The following SUN2 variants were observed in gnomAD, a reference collection of about 807,000 sequenced individuals.
SUN2 encodes SUN domain-containing protein 2.
Under a neutral mutation model 100.0 loss-of-function variants are expected in SUN2, and 60 were observed. That is an observed-to-expected ratio of 0.60 (90% CI 0.49 to 0.74). The LOEUF (loss-of-function observed/expected upper bound fraction) is 0.74. Among genes scored for constraint, SUN2 ranks in the 30% least tolerant of loss-of-function variants. The pLI is 0.00. For missense variants in SUN2, 834 were observed against 954.6 expected (o/e 0.87, Z 1.66); for synonymous variants, 367 against 403.3 (o/e 0.91, Z 1.08).
At position 38,738,104 on chromosome 22, in the gene SUN2, G is replaced by A; in HGVS notation, c.2040+69C>T. The A allele has an allele frequency of 7.3e-7, 1 of 1,375,892 alleles. No homozygotes were observed. The highest frequency in any genetic ancestry group is 2.3e-5 in the East Asian group (1 of 43,772). The allele number at this position is 1,375,892 out of a possible 1,614,324, so 85.2% of individuals were successfully genotyped here. ...GAACCCCATGCCTGGCAGGGTAAGTGCCCAGGGAGCACCTGCTGCCTGGAT... is the reference window on the plus strand; with the variant it reads ...GAACCCCATGCCTGGCAGGGTAAGTACCCAGGGAGCACCTGCTGCCTGGAT... On this transcript the variant is annotated intron_variant, in intron 17 of 17. Coordinates refer to ENST00000689035, the MANE Select transcript of SUN2 (RefSeq NM_015374.3). The surrounding 1 kb of genome is among the most constrained non-coding windows in gnomAD (Gnocchi z 6.6).
intron 17 of SUN2, 85 bp from the exon 18 acceptor site, chr22:38,736,465 C>A: frequency 2.6e-6 from 3 of 1,158,342 alleles, no homozygotes; most frequent in East Asian, 2.7e-5. Context: ...GACAGCCTCG[C>A]CTAGGGCCAG....
At position 38,740,665 on chromosome 22, in the gene SUN2, T is replaced by A; in HGVS notation, c.1191-233A>T. 1 of 571,856 alleles carries A rather than the reference T, an allele frequency of 1.7e-6. No individual in the cohort carries two copies. The highest frequency in any genetic ancestry group is 2.9e-5 in the East Asian group (1 of 34,852). The allele number at this position is 571,856 out of a possible 1,614,324, so 35.4% of individuals were successfully genotyped here. The stretch of plus-strand genomic sequence containing the variant: ...CCCTTTCTAAGCCCAGAGTCCAGAA[T>A]GTACTCTGCCTCAGCCTCTCACATC... On this transcript the variant is annotated intron_variant, in intron 11 of 17. Transcript: ENST00000689035. This position sits in a 1 kb window ranked among gnomAD's most constrained non-coding sequence, Gnocchi z 4.8.
In SUN2 at chr22:38,740,998, G is replaced by A. The variant is rs778700058; in HGVS notation, c.1190+9C>T. 1.7e-5 allele frequency: 27 copies of A among 1,589,108 alleles called. No individual in the cohort carries two copies. The highest frequency in any genetic ancestry group is 1.3e-4 in the African/African-American group (10 of 74,362). On this transcript the variant is annotated intron_variant, in intron 11 of 17. Coordinates refer to ENST00000689035, the MANE Select transcript of SUN2 (RefSeq NM_015374.3). This position sits in a 1 kb window ranked among gnomAD's most constrained non-coding sequence, Gnocchi z 4.8. ...GAGCAGGCCGAGGCCAGCTGGTGGC[G>A]CCCAGTACCTTTGCCACTCTGACTT...
chr22:38,746,814 G>A (rs1357825492), intron 7 of SUN2, among the ~76,000 whole-genome samples: 2 of 146,692 alleles, frequency 1.4e-5, no homozygotes, highest in South Asian at 2.2e-4. Flanking sequence ...GGTGGATCAC[G>A]AGGTCAGGAG....
rs565952344 is a variant in SUN2 at position 38,738,170 on chromosome 22, T to C, written c.2040+3A>G. The C allele has an allele frequency of 6.2e-7, 1 of 1,613,828 alleles. No individual in the cohort carries two copies. Among genetic ancestry groups the C allele is most frequent in the East Asian group, 2.2e-5 (1 of 44,886 alleles). On this transcript the variant is annotated splice_donor_region_variant and intron_variant, in intron 17 of 17. Coordinates refer to ENST00000689035, the MANE Select transcript of SUN2 (RefSeq NM_015374.3). The surrounding 1 kb of genome is among the most constrained non-coding windows in gnomAD (Gnocchi z 6.6). ...CTTCTGCTAGCACAGCAGCATCCCG[T>C]ACCTGAAAGTGAAACGTCTGAATAG...
At position 38,740,263 on chromosome 22, in the gene SUN2, T is replaced by G. The variant is rs369126235; in HGVS notation, c.1356+4A>C. 18 of 1,566,890 alleles carry G rather than the reference T, an allele frequency of 1.1e-5. No homozygotes were observed. Among genetic ancestry groups the G allele is most frequent in the Non-Finnish European group, 1.6e-5 (18 of 1,154,654 alleles). On this transcript the variant is annotated splice_donor_region_variant and intron_variant, in intron 12 of 17. Coordinates refer to ENST00000689035, the MANE Select transcript of SUN2 (RefSeq NM_015374.3). The surrounding 1 kb of genome is among the most constrained non-coding windows in gnomAD (Gnocchi z 4.8). ...CCAGCAGGGCCCTGGTGGTTCCCAC[T>G]CACGTCGTCCCGCACGGCCTGGATC...
chr22:38,755,981 G>T lies in SUN2; in HGVS notation c.-256C>A, dbSNP rs1054391864. The T allele has an allele frequency of 6.1e-6, 6 of 984,148 alleles. No homozygotes were observed. The African/African-American group carries it at 1.1e-4, about 17-fold the overall frequency. 61.0% of individuals were successfully genotyped at this position (984,148 alleles called of 1,614,324 possible). A position where few individuals can be genotyped will look rare whatever the true frequency, so the allele number is the denominator to read the frequency against. ...CGGAGGCCCGCGCTGCGCGAGTGGG[G>T]CCGGGCGGCGCGCGTGTGGCCGACT... On this transcript the variant is annotated 5_prime_UTR_variant, in exon 1 of 18. Transcript: ENST00000689035. This position sits in a 1 kb window ranked among gnomAD's most constrained non-coding sequence, Gnocchi z 5.7.
chr22:38,735,488 A>G lies in SUN2; in HGVS notation c.*779T>C. 1 of 297,102 alleles carries G rather than the reference A, an allele frequency of 3.4e-6. No homozygotes were observed. Among genetic ancestry groups the G allele is most frequent in the Non-Finnish European group, 6.7e-6 (1 of 150,172 alleles). 18.4% of individuals were successfully genotyped at this position (297,102 alleles called of 1,614,324 possible). ...GAATGTGGAAAGCAAGCTCAGGGGC[A>G]CTGGCAGGCCCTAGCAGGAACAGGG... is the stretch of plus-strand genomic sequence containing the variant. On this transcript the variant is annotated 3_prime_UTR_variant, in exon 18 of 18. Transcript: ENST00000689035.
chr22:38,739,001 A>T lies in SUN2; in HGVS notation c.1664-13T>A. The stretch of plus-strand genomic sequence containing the variant: ...ATGACGCTGGCCCCTGAGACAGGAG[A>T]GGAAGGCAGGGTGGGCTCCCGCACG... On this transcript the variant is annotated splice_polypyrimidine_tract_variant and intron_variant, in intron 14 of 17. Transcript: ENST00000689035. The surrounding 1 kb of genome is among the most constrained non-coding windows in gnomAD (Gnocchi z 6.7). 10 of 1,601,576 alleles carry T rather than the reference A, an allele frequency of 6.2e-6. No homozygotes were observed. Among genetic ancestry groups the T allele is most frequent in the Non-Finnish European group, 8.5e-6 (10 of 1,174,450 alleles).
At chr22:38,742,716 T>C (rs1322048856) in intron 8 of SUN2, 161 bp from the exon 9 acceptor site, 2 of 878,448 alleles carry the variant, frequency 2.3e-6, no homozygotes, top group Non-Finnish European at 3.3e-6. Flanking sequence ...GGGCAGGGGC[T>C]GCCGACCTCT....
At chr22:38,746,976 G>C (rs1458893667) in intron 7 of SUN2, among the ~76,000 whole-genome samples, 3 of 151,602 alleles carry the variant, frequency 2.0e-5, no homozygotes, top group Non-Finnish European at 2.9e-5. Flanking sequence ...GGAGCTTGCA[G>C]TGAGTCAAGA....
At chr22:38,752,752 T>C (rs2092956539) in intron 1 of SUN2, 87 bp from the exon 2 acceptor site, 3 of 1,436,768 alleles carry the variant, frequency 2.1e-6, no homozygotes, top group Non-Finnish European at 2.8e-6. Flanking sequence ...AGGCATCGCC[T>C]CACAGCCGAG....
intron 9 of SUN2, among the ~76,000 whole-genome samples, chr22:38,742,031 C>T (rs911020181): frequency 1.5e-4 from 23 of 151,818 alleles, no homozygotes; most frequent in African/African-American, 5.1e-4. Context: ...TCCAGCTACT[C>T]GGGAGGCTGA....
chr22:38,740,564 G>C lies in SUN2; in HGVS notation c.1191-132C>G. 1 of 996,450 alleles carries C rather than the reference G, an allele frequency of 1.0e-6. No homozygotes were observed. The highest frequency in any genetic ancestry group is 1.4e-6 in the Non-Finnish European group (1 of 710,410). The allele number at this position is 996,450 out of a possible 1,614,324, so 61.7% of individuals were successfully genotyped here. A position where few individuals can be genotyped will look rare whatever the true frequency, so the allele number is the denominator to read the frequency against. On this transcript the variant is annotated intron_variant, in intron 11 of 17. Transcript: ENST00000689035. The surrounding 1 kb of genome is among the most constrained non-coding windows in gnomAD (Gnocchi z 4.8). ...TGCCCAGCACTCATTGTGAACCTGAGAAGGGGCAAGGCCTCTCCTGGGGGT... is the reference window on the plus strand; with the variant it reads ...TGCCCAGCACTCATTGTGAACCTGACAAGGGGCAAGGCCTCTCCTGGGGGT...
chr22:38,746,986 A>G (rs2092908866), intron 7 of SUN2, among the ~76,000 whole-genome samples: 1 of 151,090 alleles, frequency 6.6e-6, no homozygotes. Context: ...GTGAGTCAAG[A>G]TCGCACGACT....
intron 17 of SUN2, 57 bp from the exon 18 acceptor site, chr22:38,736,437 G>A (rs1401853559): frequency 2.1e-6 from 3 of 1,440,614 alleles, no homozygotes; most frequent in Admixed American, 2.1e-5. Context: ...CTCACTGACA[G>A]AGAAGGTGGG....
In SUN2 at chr22:38,752,624, G is replaced by A; in HGVS notation, c.5C>T (p.Ser2Phe). ...GCGCGTGAGGCGCTGGCTTCTTCGG[G>A]ACATGATGAGGTGGGATGTGGACTC... M[S>F]RRSQRLTRYS... The change falls in exon 2 of 18, where the codon TCC becomes TTC. Residue 2 changes from serine (S) to phenylalanine (F), a missense_variant. Ser to Phe is a radical substitution (Grantham distance 155, BLOSUM62 -2). Transcript: ENST00000689035. 1 of 1,613,678 alleles carries A rather than the reference G, an allele frequency of 6.2e-7. No individual in the cohort carries two copies. The highest frequency in any genetic ancestry group is 8.5e-7 in the Non-Finnish European group (1 of 1,179,924).
intron 7 of SUN2, among the ~76,000 whole-genome samples, chr22:38,747,979 G>A (rs540673816): frequency 1.3e-5 from 2 of 152,208 alleles, no homozygotes; most frequent in South Asian, 2.1e-4. Flanking sequence ...CTGTGCTAGC[G>A]CCTGGGATGA....
intron 1 of SUN2, chr22:38,754,867 T>G (rs768838004): frequency 1.6e-6 from 2 of 1,289,240 alleles, no homozygotes; most frequent in South Asian, 2.5e-5. Flanking sequence ...CAGTCTTTCC[T>G]GCGGCATCCT....
Sources: allele counts gnomAD v4.1 joint callset (sites outside exome capture counted in the v4.1 genomes callset), GRCh38; gene constraint gnomAD v4.1.1; non-coding constraint Gnocchi (gnomAD v3.1); transcripts MANE v1.5; gene names NCBI Gene and HGNC (gene_info 2026-07-23, HGNC 2026-07-21).